Variants in ASTN1 observed in about 807,000 individuals in gnomAD.
The protein encoded by ASTN1 is astrotactin 1, also known as astrotactin-1.
In ASTN1, 41 loss-of-function variants were observed where a neutral mutation model predicts 140.7. The ratio of observed to expected loss-of-function variants is 0.29; its 90% CI spans 0.23 to 0.38. ASTN1 has a LOEUF of 0.38. Among genes scored for constraint, ASTN1 ranks in the 10% least tolerant of loss-of-function variants. ASTN1 has a pLI of 1.00. For synonymous variants in ASTN1, 640 were observed against 652.2 expected (o/e 0.98, Z 0.29); for missense variants, 1,479 against 1,678.8 (o/e 0.88, Z 2.08).
chr1:176,965,655 G>C (rs1021079158), intron 8 of ASTN1, among the ~76,000 whole-genome samples: 34 of 152,304 alleles, frequency 2.2e-4, no homozygotes, highest in African/African-American at 7.9e-4. Flanking sequence ...TGAATCAACT[G>C]TCTGACCATG....
At chr1:177,032,954 C>A (rs1020191794) in intron 2 of ASTN1, 105 bp from the exon 3 acceptor site, 1 of 1,300,854 alleles carries the variant, frequency 7.7e-7, no homozygotes, top group Non-Finnish European at 1.0e-6. Context: ...TTTATGCATT[C>A]ATTCATTCAG....
intron 1 of ASTN1, among the ~76,000 whole-genome samples, chr1:177,107,992 CA>C (rs1680632657): frequency 6.6e-6 from 1 of 152,010 alleles, no homozygotes; most frequent in Non-Finnish European, 1.5e-5. Flanking sequence ...TGATGCTCCA[CA>C]ATGCTATGAA....
intron 1 of ASTN1, among the ~76,000 whole-genome samples, chr1:177,146,188 A>C (rs911914004): frequency 6.6e-6 from 1 of 152,336 alleles, no homozygotes; most frequent in East Asian, 1.9e-4. Context: ...ATACTGGCTT[A>C]ATAGAAGACA....
At chr1:177,142,906 G>C (rs796504590) in intron 1 of ASTN1, among the ~76,000 whole-genome samples, 24 of 141,382 alleles carry the variant, frequency 1.7e-4, no homozygotes, top group African/African-American at 6.2e-4. Context: ...AAAAAAAAGG[G>C]GGGGAGGGGT....
rs117083859 is a variant in ASTN1 at position 176,978,716 on chromosome 1, C to A, written c.1524-13479G>T. ...ATCTGTGAACGTCTGGCAAGGTGTG[C>A]GGCAGGTAGCTAGCTAAGCAGAGCT... is the stretch of plus-strand genomic sequence containing the variant. On this transcript the variant is annotated intron_variant, in intron 8 of 22. Transcript: ENST00000361833. 3.1e-4 allele frequency among the ~76,000 whole-genome samples: 47 copies of A among 152,078 alleles called. 2 individuals carry two copies. The East Asian group carries it at 9.1e-3, about 30-fold the overall frequency.
intron 20 of ASTN1, among the ~76,000 whole-genome samples, chr1:176,880,061 A>C (rs1246267496): frequency 1.3e-5 from 2 of 152,194 alleles, no homozygotes; most frequent in Non-Finnish European, 2.9e-5. Flanking sequence ...AGAAGAGATA[A>C]GCCCTGCTCC....
At chr1:177,130,270 T>G (rs1681879756) in intron 1 of ASTN1, among the ~76,000 whole-genome samples, 1 of 152,174 alleles carries the variant, frequency 6.6e-6, no homozygotes. Flanking sequence ...TGGCAGTGCA[T>G]GGCAGGGTGG....
At chr1:177,014,755 T>C in intron 8 of ASTN1, 36 bp downstream of exon 8, 5 of 1,558,396 alleles carry the variant, frequency 3.2e-6, no homozygotes, top group Middle Eastern at 1.7e-4. Flanking sequence ...AGCAGTGATA[T>C]GTGGGAACCA....
At chr1:177,140,716 G>T (rs1158652285) in intron 1 of ASTN1, among the ~76,000 whole-genome samples, 1 of 152,146 alleles carries the variant, frequency 6.6e-6, no homozygotes, top group African/African-American at 2.4e-5. Context: ...TAAAAACAAG[G>T]TATAGAGAGA....
chr1:177,136,342 T>C (rs1682196651), intron 1 of ASTN1, among the ~76,000 whole-genome samples: 1 of 149,072 alleles, frequency 6.7e-6, no homozygotes, highest in Non-Finnish European at 1.5e-5. Flanking sequence ...TTTTGTTTTT[T>C]TATTTTTCTT....
intron 8 of ASTN1, among the ~76,000 whole-genome samples, chr1:176,981,055 T>G (rs899345950): frequency 5.3e-5 from 8 of 150,666 alleles, no homozygotes; most frequent in African/African-American, 2.0e-4. Context: ...CTACTAAAAA[T>G]ACAAAAATTA....
rs151267175 is a variant in ASTN1, at chr1:177,047,167, A to G, written c.471+13911T>C. On this transcript the variant is annotated intron_variant, in intron 2 of 22. Coordinates refer to ENST00000361833, the MANE Select transcript of ASTN1 (RefSeq NM_004319.3). ...AAATATGCACCAGGAATTGCATGAA[A>G]CTTCTTCACCCAGCCCAGAGAGAAA... Among the ~76,000 whole-genome samples, 15 of 152,278 alleles carry G rather than the reference A, an allele frequency of 9.9e-5. No homozygotes were observed. The East Asian group carries it at 2.5e-3, about 26-fold the overall frequency.
intron 2 of ASTN1, among the ~76,000 whole-genome samples, chr1:177,050,653 A>C (rs1204615280): frequency 1.3e-5 from 2 of 152,222 alleles, no homozygotes; most frequent in Non-Finnish European, 2.9e-5. Flanking sequence ...GCCATTTAAC[A>C]AACTTTAGCA....
At chr1:176,889,258 G>C (rs1427556478) in intron 17 of ASTN1, among the ~76,000 whole-genome samples, 1 of 152,230 alleles carries the variant, frequency 6.6e-6, no homozygotes, top group Non-Finnish European at 1.5e-5. Context: ...TATCCCAAGG[G>C]GAGGGAGAGG....
intron 8 of ASTN1, among the ~76,000 whole-genome samples, chr1:176,980,611 A>G (rs910600504): frequency 6.6e-6 from 1 of 152,066 alleles, no homozygotes; most frequent in African/African-American, 2.4e-5. Context: ...TGGGGAGGAA[A>G]TGAAGCCAGA....
chr1:176,943,777 G>A, intron 14 of ASTN1, 114 bp downstream of exon 14: 1 of 1,317,664 alleles, frequency 7.6e-7, no homozygotes, highest in Non-Finnish European at 1.0e-6. Context: ...TATTGTGTAT[G>A]AAGGAAATCA....
intron 22 of ASTN1, among the ~76,000 whole-genome samples, chr1:176,866,903 T>A (rs1269427391): frequency 6.6e-6 from 1 of 152,210 alleles, no homozygotes; most frequent in Non-Finnish European, 1.5e-5. Context: ...GTTGATGTAT[T>A]TCAACACAGA....
At chr1:177,141,249 G>A (rs1483450205) in intron 1 of ASTN1, among the ~76,000 whole-genome samples, 1 of 151,910 alleles carries the variant, frequency 6.6e-6, no homozygotes, top group East Asian at 1.9e-4. Context: ...AAAACAAAGA[G>A]CACTTACTTC....
In ASTN1 at chr1:176,884,372, T is replaced by C; in HGVS notation, c.3193A>G (p.Thr1065Ala). 1 of 1,614,200 alleles carries C rather than the reference T, an allele frequency of 6.2e-7. No homozygotes were observed. Among genetic ancestry groups the C allele is most frequent in the Non-Finnish European group, 8.5e-7 (1 of 1,180,028 alleles). Residue 1065 changes from threonine to alanine, a missense_variant, in exon 19 of 23, where the codon ACT becomes GCT. Coordinates refer to ENST00000361833, the MANE Select transcript of ASTN1 (RefSeq NM_004319.3). The part of the protein sequence containing the change: ...VDYLLRQEKV[T>A]DRMDHSKVET... ...ACTTTGGAGTGGTCCATCCTGTCAG[T>C]GACTTTCTCTTGACGGAGGAGGTAA...
Sources: gnomAD v4.1 joint callset for allele counts (sites outside exome capture counted in the v4.1 genomes callset) on GRCh38, gnomAD v4.1.1 for gene constraint, MANE v1.5 for transcripts, NCBI Gene and HGNC (gene_info 2026-07-23, HGNC 2026-07-21) for gene names.